The following PCDHA6 variants were observed in gnomAD, a reference collection of about 807,000 sequenced individuals.
PCDHA6 encodes the protein protocadherin alpha-6.
A neutral mutation model predicts 60.3 loss-of-function variants in PCDHA6; 55 were observed. The ratio of observed to expected loss-of-function variants is 0.91; its 90% CI spans 0.73 to 1.14. The LOEUF (loss-of-function observed/expected upper bound fraction) is 1.14, where lower values mean the gene tolerates loss of function less well. PCDHA6 is among the 50% of genes most tolerant of loss of function. The pLI is 0.00. For synonymous variants in PCDHA6, 652 were observed against 557.9 expected (o/e 1.17, Z -2.38); for missense variants, 1,327 against 1,256.5 (o/e 1.06, Z -0.85).
chr5:140,956,820 G>C (rs246011), intron 1 of PCDHA6, among the ~76,000 whole-genome samples: 85,659 of 151,910 alleles, frequency 0.56, 24,765 homozygotes, highest in African/African-American at 0.69. Context: ...GCTTCAATTT[G>C]TAATTTAATA....
chr5:140,866,367 C>T (rs1375421273), intron 1 of PCDHA6: 1 of 152,082 alleles, frequency 6.6e-6, no homozygotes, highest in African/African-American at 2.4e-5. Flanking sequence ...ATATTGCATA[C>T]TTCAATAACA....
At chr5:140,958,544 A>G (rs1218939069) in intron 1 of PCDHA6, among the ~76,000 whole-genome samples, 1 of 152,182 alleles carries the variant, frequency 6.6e-6, no homozygotes, top group Non-Finnish European at 1.5e-5. Flanking sequence ...TGATTTATGA[A>G]CCAATAAATG....
At chr5:140,937,067 T>C (rs2091302961) in intron 1 of PCDHA6, among the ~76,000 whole-genome samples, 1 of 148,650 alleles carries the variant, frequency 6.7e-6, no homozygotes, top group South Asian at 2.1e-4. Flanking sequence ...AGACGGAGTC[T>C]CGCTCTGTCG....
At chr5:140,912,922 G>A (rs1554195623) in intron 1 of PCDHA6, among the ~76,000 whole-genome samples, 3 of 152,210 alleles carry the variant, frequency 2.0e-5, no homozygotes, top group African/African-American at 7.2e-5. Context: ...ATTTGTGTAT[G>A]TTGAATCATC....
chr5:140,880,889 G>T (rs1554171573), intron 1 of PCDHA6, among the ~76,000 whole-genome samples: 1 of 152,130 alleles, frequency 6.6e-6, no homozygotes, highest in Admixed American at 6.6e-5. Context: ...GAAATGTAGG[G>T]CCAGATAGAA....
rs1581182642 is a variant in PCDHA6 at position 140,849,406 on chromosome 5, T to A, written c.2394+18921T>A. ...GACCCCTTAAGTGGGGCAATCACAG[T>A]GATAGGACATATGGATTTTGAAGAA... On this transcript the variant is annotated intron_variant, in intron 1 of 3. Transcript: ENST00000529310. 1.3e-5 allele frequency: 20 copies of A among 1,558,610 alleles called. 3 individuals carry two copies. The highest frequency in any genetic ancestry group is 7.2e-5 in the African/African-American group (5 of 69,302).
intron 1 of PCDHA6, among the ~76,000 whole-genome samples, chr5:140,939,358 A>C (rs1291026920): frequency 1.3e-5 from 2 of 152,172 alleles, no homozygotes; most frequent in Admixed American, 1.3e-4. Flanking sequence ...TTATGATTGC[A>C]AAGGAGGAGG....
In PCDHA6 at chr5:140,828,464, G is replaced by A. The variant is rs1554131324; in HGVS notation, c.373G>A (p.Asp125Asn). 1.2e-6 allele frequency: 2 copies of A among 1,614,262 alleles called. No individual in the cohort carries two copies. The highest frequency in any genetic ancestry group is 1.7e-6 in the Non-Finnish European group (2 of 1,180,050). ...TTTCCATGTGGACGTGGAGGTGAGG[G>A]ACATTAACGACAACCCGCCCTTGTT... ...QVFHVDVEVR[D>N]INDNPPLFPV... Residue 125 changes from aspartate to asparagine, a missense_variant, in exon 1 of 4, where the codon GAC (aspartate) becomes AAC (asparagine). Coordinates refer to ENST00000529310, the MANE Select transcript of PCDHA6 (RefSeq NM_018909.4).
rs2098417418 is a variant in PCDHA6, at chr5:141,010,475, T to A, written c.*538T>A. On this transcript the variant is annotated 3_prime_UTR_variant, in exon 4 of 4. Coordinates refer to ENST00000529310, the MANE Select transcript of PCDHA6 (RefSeq NM_018909.4). ...GGAAGTTATCAGTATGGAGGGGAAG[T>A]GTAAACTTAAAGGGACCAGACTTTC... 16 of 757,310 alleles carry A rather than the reference T, an allele frequency of 2.1e-5. No homozygotes were observed. The highest frequency in any genetic ancestry group is 3.0e-5 in the Non-Finnish European group (15 of 502,774). 46.9% of individuals were successfully genotyped at this position (757,310 alleles called of 1,614,324 possible). A position where few individuals can be genotyped will look rare whatever the true frequency, so the allele number is the denominator to read the frequency against.
rs138821024 is a variant in PCDHA6, at chr5:140,968,111, C to T, written c.2395-10838C>T. ...AGCCACAGATGGGGGAATACCGCAG[C>T]TCACATCCCTGCGTACACTGAAGGT... On this transcript the variant is annotated intron_variant, in intron 1 of 3. Transcript: ENST00000529310. 533 of 1,614,062 alleles carry T rather than the reference C, an allele frequency of 3.3e-4. 1 individual carries two copies. The highest frequency in any genetic ancestry group is 4.1e-4 in the Non-Finnish European group (489 of 1,180,052).
At chr5:140,832,847 C>T (rs1022397491) in intron 1 of PCDHA6, among the ~76,000 whole-genome samples, 2 of 151,966 alleles carry the variant, frequency 1.3e-5, no homozygotes, top group African/African-American at 4.8e-5. Flanking sequence ...TGAAGGAGAC[C>T]GTGAAGAGTC....
At chr5:140,928,809 G>A (rs1563109634) in intron 1 of PCDHA6, 2 of 1,614,078 alleles carry the variant, frequency 1.2e-6, no homozygotes, top group African/African-American at 2.7e-5. Flanking sequence ...TAGTGGTTCG[G>A]GACCATGGAG....
chr5:140,829,166 G>C lies in PCDHA6; in HGVS notation c.1075G>C (p.Val359Leu), dbSNP rs2150163292. 5 of 1,614,104 alleles carry C rather than the reference G, an allele frequency of 3.1e-6. No homozygotes were observed. The South Asian group carries it at 5.5e-5, about 18-fold the overall frequency. Reference protein sequence around the residue: ...EIALTSLSLPVREDAQFGTVI... With the variant: ...EIALTSLSLPLREDAQFGTVI... ...AGCACTGACTTCCTTATCCTTGCCT[G>C]TACGTGAAGACGCTCAATTTGGTAC... Residue 359 changes from valine to leucine, a missense_variant, in exon 1 of 4, where the codon GTA (valine) becomes CTA (leucine). Val to Leu is a conservative substitution (Grantham distance 32). Coordinates refer to ENST00000529310, the MANE Select transcript of PCDHA6 (RefSeq NM_018909.4).
chr5:140,938,761 G>A (rs1414324125), intron 1 of PCDHA6, among the ~76,000 whole-genome samples: 5 of 151,992 alleles, frequency 3.3e-5, no homozygotes, highest in Non-Finnish European at 7.4e-5. Flanking sequence ...CATAGTTATT[G>A]GGTACTAGAC....
intron 1 of PCDHA6, chr5:140,871,484 A>T: frequency 6.3e-7 from 1 of 1,592,270 alleles, no homozygotes; most frequent in Non-Finnish European, 8.6e-7. Context: ...GGGTCAAATC[A>T]CCCCGGACAG....
intron 3 of PCDHA6, among the ~76,000 whole-genome samples, chr5:141,005,708 A>G (rs1245739768): frequency 6.8e-6 from 1 of 146,360 alleles, no homozygotes; most frequent in Non-Finnish European, 1.5e-5. Context: ...TCTCAAAAAA[A>G]AAAAAAAAAA....
chr5:140,961,477 G>T (rs2095615587), intron 1 of PCDHA6, among the ~76,000 whole-genome samples: 1 of 152,006 alleles, frequency 6.6e-6, no homozygotes, highest in African/African-American at 2.4e-5. Flanking sequence ...TTTTTGTCTT[G>T]TCCACGTGAG....
chr5:140,858,197 A>T lies in PCDHA6; in HGVS notation c.2394+27712A>T. On this transcript the variant is annotated intron_variant, in intron 1 of 3. Transcript: ENST00000529310. ...GCTGGTGCTCACGCTGCTGCTGTAC[A>T]CTGCACTGAGGTGCTCGGCGGCGCC... is the stretch of plus-strand genomic sequence containing the variant. The T allele has an allele frequency of 1.3e-6, 2 of 1,597,058 alleles. 1 individual carries two copies.
At chr5:140,841,786 G>C in intron 1 of PCDHA6, 1 of 1,613,902 alleles carries the variant, frequency 6.2e-7, no homozygotes, top group Non-Finnish European at 8.5e-7. Context: ...TTCCGCTAGA[G>C]GGCGCGTCCG....
Sources: gnomAD v4.1 joint callset for allele counts (sites outside exome capture counted in the v4.1 genomes callset) on GRCh38, gnomAD v4.1.1 for gene constraint, MANE v1.5 for transcripts, NCBI Gene and HGNC (gene_info 2026-07-23, HGNC 2026-07-21) for gene names.